ZNF333: variants seen among roughly 807,000 people sequenced by gnomAD.
ZNF333 encodes zinc finger protein 333.
In ZNF333, 61 loss-of-function variants were observed where a neutral mutation model predicts 76.1. That is an observed-to-expected ratio of 0.80 (90% CI 0.65 to 0.99). The LOEUF is 0.99. ZNF333 is among the 50% of genes least tolerant of loss of function. ZNF333 has a pLI of 0.00. For missense variants in ZNF333, 717 were observed against 822.4 expected, an observed-to-expected ratio of 0.87 and a Z score of 1.57; for synonymous variants, 284 against 305.0, an observed-to-expected ratio of 0.93 and a Z score of 0.72.
chr19:14,697,310 A>C (rs1293433408), intron 4 of ZNF333, among the ~76,000 whole-genome samples: 1 of 151,606 alleles, frequency 6.6e-6, no homozygotes, highest in Non-Finnish European at 1.5e-5. Flanking sequence ...AGCTATTGTG[A>C]ATAATGTTGC....
rs759909287 is a variant in ZNF333 at position 14,715,500 on chromosome 19, C to T, written c.600+30C>T. ...GTAAGAACTTCTTGTTCTAAAAGAA[C>T]ACTGCTGTGCCCAAAGGCTGGACTT... On this transcript the variant is annotated intron_variant, in intron 8 of 11. Coordinates refer to ENST00000292530, the MANE Select transcript of ZNF333 (RefSeq NM_032433.4). 3.1e-6 allele frequency: 5 copies of T among 1,598,454 alleles called. No homozygotes were observed. In the East Asian group the frequency reaches 1.1e-4, roughly 36 times the overall value.
chr19:14,712,972 C>T (rs564897139), intron 7 of ZNF333, among the ~76,000 whole-genome samples: 7 of 152,218 alleles, frequency 4.6e-5, no homozygotes, highest in African/African-American at 7.2e-5. Context: ...AATACACTCA[C>T]GTGGTCCCAA....
chr19:14,716,783 G>A (rs1456078091), intron 9 of ZNF333, among the ~76,000 whole-genome samples: 1 of 152,192 alleles, frequency 6.6e-6, no homozygotes, highest in African/African-American at 2.4e-5. Flanking sequence ...CCTTGGTTTT[G>A]TAGACCGGAG....
At position 14,727,610 on chromosome 19, in the gene ZNF333, C is replaced by T. The variant is rs532502340; in HGVS notation, c.901-3565C>T. 5.9e-5 allele frequency among the ~76,000 whole-genome samples: 9 copies of T among 152,014 alleles called. No individual in the cohort carries two copies. The East Asian group carries it at 1.7e-3, about 29-fold the overall frequency. On this transcript the variant is annotated intron_variant, in intron 11 of 11. Transcript: ENST00000540689. ...AGCGATTTGCCCCCATGATCCAACA[C>T]CTCCCACCAGGCCCCACCTCCAGCA...
chr19:14,725,074 T>C (rs1051397351), downstream of ZNF333, among the ~76,000 whole-genome samples: 6 of 152,194 alleles, frequency 3.9e-5, no homozygotes, highest in Admixed American at 3.9e-4. Context: ...CTGCTCAGCT[T>C]CTGGCGAGGG....
chr19:14,733,204 G>A (rs1175446647), exon 12 of ZNF333: 1 of 152,228 alleles, frequency 6.6e-6, no homozygotes, highest in African/African-American at 2.4e-5. Flanking sequence ...AGGATCAGGA[G>A]TGACTTGAGG....
intron 11 of ZNF333, among the ~76,000 whole-genome samples, chr19:14,730,731 C>T (rs1363124805): frequency 6.6e-6 from 1 of 151,640 alleles, no homozygotes; most frequent in Non-Finnish European, 1.5e-5. Flanking sequence ...TTGCATGATG[C>T]TGAGGTTTGG....
chr19:14,715,610 G>T, intron 8 of ZNF333, 140 bp downstream of exon 8: 1 of 742,512 alleles, frequency 1.3e-6, no homozygotes, highest in Non-Finnish European at 2.2e-6. Context: ...GTGGGTGTCA[G>T]CAAGGGAGCA....
intron 7 of ZNF333, 34 bp from the exon 8 acceptor site, chr19:14,715,348 C>A: frequency 6.2e-7 from 1 of 1,604,728 alleles, no homozygotes; most frequent in African/African-American, 1.3e-5. Flanking sequence ...GTAGGCCAGG[C>A]ACCAACCCTC....
chr19:14,715,537 G>A (rs919271314), intron 8 of ZNF333, 67 bp downstream of exon 8: 2 of 1,469,102 alleles, frequency 1.4e-6, no homozygotes, highest in African/African-American at 1.4e-5. Context: ...CCTTCTTCCT[G>A]TGACCTGTCT....
At position 14,694,947 on chromosome 19, in the gene ZNF333, C is replaced by G. The variant is rs548277023; in HGVS notation, c.4-63C>G. The stretch of plus-strand genomic sequence containing the variant: ...AACATTTTCTCTTCTCCAGTGATAA[C>G]CAGTCGTTCTGCTCAGTGGTGGGGG... On this transcript the variant is annotated intron_variant, in intron 2 of 11. Transcript: ENST00000292530. The G allele has an allele frequency of 3.1e-6, 5 of 1,603,790 alleles. No homozygotes were observed. In the African/African-American group the frequency reaches 6.7e-5, roughly 21 times the overall value.
chr19:14,699,347 A>G lies in ZNF333; in HGVS notation c.306+66A>G, dbSNP rs145126125. On this transcript the variant is annotated intron_variant, in intron 5 of 11. Coordinates refer to ENST00000292530, the MANE Select transcript of ZNF333 (RefSeq NM_032433.4). ...AAGTTGAGGAACACGTGAGGTGGAA[A>G]TACAGGACCAGAGCCAGGGAGATGT... is the stretch of plus-strand genomic sequence containing the variant. 836 of 1,389,180 alleles carry G rather than the reference A, an allele frequency of 6.0e-4. 5 individuals are homozygous for G. In the East Asian group the frequency reaches 0.01, roughly 17 times the overall value. 86.1% of individuals were successfully genotyped at this position (1,389,180 alleles called of 1,614,324 possible).
At chr19:14,705,756 A>G (rs1345867587) in intron 6 of ZNF333, among the ~76,000 whole-genome samples, 2 of 152,220 alleles carry the variant, frequency 1.3e-5, no homozygotes, top group African/African-American at 2.4e-5. Flanking sequence ...AGCTGATCCT[A>G]TTGTGAACTG....
chr19:14,694,501 C>A (rs1028217655), intron 2 of ZNF333, among the ~76,000 whole-genome samples: 1 of 152,026 alleles, frequency 6.6e-6, no homozygotes, highest in Non-Finnish European at 1.5e-5. Flanking sequence ...GAAAAAGACT[C>A]TCAGATGCAA....
exon 12 of ZNF333, chr19:14,731,298 T>A: frequency 9.1e-7 from 1 of 1,093,850 alleles, no homozygotes; most frequent in Non-Finnish European, 1.3e-6. Context: ...ATCTGCAGAT[T>A]CTGAAGCTTG....
At chr19:14,702,767 G>A (rs927193828) in intron 5 of ZNF333, among the ~76,000 whole-genome samples, 2 of 152,202 alleles carry the variant, frequency 1.3e-5, no homozygotes, top group East Asian at 3.9e-4. Context: ...TATAAAGGAT[G>A]CAGGTTTAAT....
rs551016412 is a variant in ZNF333, at chr19:14,717,673, C to A, written c.840C>A (p.Pro280=). The change falls in exon 11 of 12, where the codon CCC becomes CCA. Residue 280 remains proline (P), a synonymous_variant. Coordinates refer to ENST00000292530, the MANE Select transcript of ZNF333 (RefSeq NM_032433.4). ...SDTCAEPQCQ[P]QEAIPSQDTF... ...TCATTTCAGAACCTCAGTGTCAACC[C>A]CAAGAGGCAATTCCTAGCCAAGATA... The A allele has an allele frequency of 1.1e-5, 18 of 1,613,950 alleles. No individual in the cohort carries two copies. The East Asian group carries it at 2.5e-4, about 22-fold the overall frequency.
downstream of ZNF333, among the ~76,000 whole-genome samples, chr19:14,724,287 C>T (rs1355090624): frequency 6.6e-6 from 1 of 152,164 alleles, no homozygotes; most frequent in Non-Finnish European, 1.5e-5. Flanking sequence ...GTGCCTGATG[C>T]CTTCAAACCT....
At chr19:14,707,671 C>T (rs1738266328) in intron 7 of ZNF333, among the ~76,000 whole-genome samples, 1 of 150,648 alleles carries the variant, frequency 6.6e-6, no homozygotes, top group East Asian at 2.0e-4. Context: ...CCTGCCTCAG[C>T]CTCCCGAGTA....
Sources: gnomAD v4.1 joint callset for allele counts (sites outside exome capture counted in the v4.1 genomes callset) on GRCh38, gnomAD v4.1.1 for gene constraint, MANE v1.5 for transcripts, NCBI Gene and HGNC (gene_info 2026-07-23, HGNC 2026-07-21) for gene names.